Variants in VPS13B observed in about 807,000 individuals in gnomAD.
The protein encoded by VPS13B is vacuolar protein sorting 13 homolog B, also known as intermembrane lipid transfer protein VPS13B.
In VPS13B, 285 loss-of-function variants were observed where a neutral mutation model predicts 426.4. That is an observed-to-expected ratio of 0.67 (90% CI 0.61 to 0.74). The LOEUF is 0.74. Ranked by LOEUF, VPS13B falls within the 30% of genes least tolerant of loss-of-function variation. The pLI, the probability that VPS13B is intolerant of heterozygous loss-of-function variation, is 0.00. For missense variants in VPS13B, 4,537 were observed against 4,782.6 expected, an observed-to-expected ratio of 0.95 and a Z score of 1.51; for synonymous variants, 1,676 against 1,676.4, an observed-to-expected ratio of 1.00 and a Z score of 0.01.
intron 34 of VPS13B, among the ~76,000 whole-genome samples, chr8:99,647,811 A>G (rs536078049): frequency 1.3e-5 from 2 of 152,286 alleles, no homozygotes; most frequent in Admixed American, 1.3e-4. Context: ...TCACTCGATC[A>G]TGGGCATTAT....
chr8:99,434,993 G>T (rs1451753284), intron 22 of VPS13B, among the ~76,000 whole-genome samples: 1 of 152,176 alleles, frequency 6.6e-6, no homozygotes, highest in Non-Finnish European at 1.5e-5. Context: ...AGTTGTCATG[G>T]TCTAGCTGGG....
At chr8:99,620,161 G>C (rs764319124) in intron 33 of VPS13B, among the ~76,000 whole-genome samples, 1 of 151,936 alleles carries the variant, frequency 6.6e-6, no homozygotes, top group African/African-American at 2.4e-5. Context: ...GAAAATTTTC[G>C]TGATGACATT....
At chr8:99,827,026 A>G (rs1814728184) in intron 51 of VPS13B, among the ~76,000 whole-genome samples, 2 of 151,400 alleles carry the variant, frequency 1.3e-5, no homozygotes, top group African/African-American at 4.9e-5. Flanking sequence ...TTGGCTTGAA[A>G]TTTTCTTTTT....
rs77815460 is a variant in VPS13B, at chr8:99,762,066, G to A, written c.7051-4708G>A. Among the ~76,000 whole-genome samples the A allele has an allele frequency of 1.5e-3, 227 of 151,610 alleles. 9 individuals carry two copies. The East Asian group carries it at 0.039, about 26-fold the overall frequency. ...TTTTGAAACAGGGTCTCCATCTGTT[G>A]TCCGGGCTGGGTGCAGTGGCACAAT... On this transcript the variant is annotated intron_variant, in intron 39 of 61. Coordinates refer to ENST00000357162, the MANE Select transcript of VPS13B (RefSeq NM_152564.5).
At chr8:99,763,939 A>G (rs1237906235) in intron 39 of VPS13B, among the ~76,000 whole-genome samples, 1 of 152,218 alleles carries the variant, frequency 6.6e-6, no homozygotes, top group Non-Finnish European at 1.5e-5. Context: ...TAAAGAAAAG[A>G]AACTTAATTA....
At chr8:99,256,862 C>T (rs1817769702) in intron 17 of VPS13B, among the ~76,000 whole-genome samples, 1 of 151,988 alleles carries the variant, frequency 6.6e-6, no homozygotes, top group African/African-American at 2.4e-5. Context: ...CTCTAACTTG[C>T]AATTTTCACA....
At chr8:99,158,525 G>A (rs914978065) in intron 15 of VPS13B, among the ~76,000 whole-genome samples, 1 of 152,058 alleles carries the variant, frequency 6.6e-6, no homozygotes, top group Admixed American at 6.5e-5. Context: ...AGGGCAAGAC[G>A]CTGACTCTCT....
At chr8:99,349,722 GTCT>G (rs1811767386) in intron 19 of VPS13B, among the ~76,000 whole-genome samples, 1 of 152,114 alleles carries the variant, frequency 6.6e-6, no homozygotes, top group Non-Finnish European at 1.5e-5. Context: ...GTTGAAAAAA[GTCT>G]TCGAGAATAT....
chr8:99,706,692 A>T (rs953109146), intron 36 of VPS13B, among the ~76,000 whole-genome samples: 3 of 152,118 alleles, frequency 2.0e-5, no homozygotes, highest in African/African-American at 7.2e-5. Flanking sequence ...GTGCCATTAC[A>T]TTGGACACAT....
At chr8:99,164,737 ACTCT>A (rs1315000525) in intron 15 of VPS13B, among the ~76,000 whole-genome samples, 2 of 149,962 alleles carry the variant, frequency 1.3e-5, no homozygotes, top group Admixed American at 6.6e-5. Flanking sequence ...TCTCTTTTTA[ACTCT>A]CTCTTTAACT....
chr8:99,092,368 A>G (rs1265457333), intron 3 of VPS13B, among the ~76,000 whole-genome samples: 1 of 152,182 alleles, frequency 6.6e-6, no homozygotes, highest in African/African-American at 2.4e-5. Flanking sequence ...TATGACTGTA[A>G]TGCTTTTGGT....
rs547427422 is a variant in VPS13B at position 99,184,861 on chromosome 8, C to T, written c.2334-8015C>T. ...CAAAAATTAGCCAGGTGCAGTGGCA[C>T]GCTCCTGTAATCCCAGCTACTCTGG... On this transcript the variant is annotated intron_variant, in intron 16 of 61. Transcript: ENST00000357162. 7.9e-5 allele frequency among the ~76,000 whole-genome samples: 12 copies of T among 152,212 alleles called. No individual in the cohort carries two copies. The South Asian group carries it at 1.0e-3, about 13-fold the overall frequency.
At chr8:99,762,021 T>C (rs1162027538) in intron 39 of VPS13B, among the ~76,000 whole-genome samples, 2 of 151,972 alleles carry the variant, frequency 1.3e-5, no homozygotes, top group African/African-American at 4.8e-5. Context: ...GTTTGTTTGC[T>C]TGTGGTTTTT....
At chr8:99,462,315 CA>C (rs1818882988) in intron 23 of VPS13B, among the ~76,000 whole-genome samples, 1 of 152,074 alleles carries the variant, frequency 6.6e-6, no homozygotes, top group African/African-American at 2.4e-5. Context: ...ATCAAGATAA[CA>C]AACTTTTTGG....
At position 99,778,845 on chromosome 8, in the gene VPS13B, T is replaced by C; in HGVS notation, c.7593T>C (p.Leu2531=). 6.2e-7 allele frequency: 1 copy of C among 1,614,056 alleles called. No individual in the cohort carries two copies. Among genetic ancestry groups the C allele is most frequent in the Non-Finnish European group, 8.5e-7 (1 of 1,179,940 alleles). The change falls in exon 42 of 62, where the codon CTT becomes CTC. Residue 2531 remains leucine, a synonymous_variant. Coordinates refer to ENST00000357162, the MANE Select transcript of VPS13B (RefSeq NM_152564.5). ...TCTTAGCTCAAGCAGACTGTAAACTTCTAGAGTGCAGAAATGTCACTATGC... is the reference window on the plus strand; with the variant it reads ...TCTTAGCTCAAGCAGACTGTAAACTCCTAGAGTGCAGAAATGTCACTATGC... The part of the protein sequence containing the change: ...IQFLAQADCK[L]LECRNVTMQS...
chr8:99,102,922 G>A, intron 4 of VPS13B, 31 bp from the exon 5 acceptor site: 1 of 1,540,816 alleles, frequency 6.5e-7, no homozygotes, highest in South Asian at 1.1e-5. Context: ...GAGATTTGTG[G>A]CTAATTAAAT....
At chr8:99,163,608 G>A (rs1032308548) in intron 15 of VPS13B, among the ~76,000 whole-genome samples, 5 of 152,144 alleles carry the variant, frequency 3.3e-5, no homozygotes, top group Non-Finnish European at 5.9e-5. Flanking sequence ...CACTGTTGGG[G>A]GACCCAGTAC....
intron 17 of VPS13B, among the ~76,000 whole-genome samples, chr8:99,252,404 G>C (rs1308322494): frequency 6.6e-6 from 1 of 151,856 alleles, no homozygotes; most frequent in African/African-American, 2.4e-5. Context: ...ATCTAATGTG[G>C]TCTGAGAACA....
intron 34 of VPS13B, among the ~76,000 whole-genome samples, chr8:99,658,225 T>G (rs184240112): frequency 6.6e-6 from 1 of 152,290 alleles, no homozygotes; most frequent in African/African-American, 2.4e-5. Context: ...TTAAAAAGTA[T>G]GCGTGCAAAA....
Sources: gnomAD v4.1 joint callset for allele counts (sites outside exome capture counted in the v4.1 genomes callset) on GRCh38, gnomAD v4.1.1 for gene constraint, MANE v1.5 for transcripts, NCBI Gene and HGNC (gene_info 2026-07-23, HGNC 2026-07-21) for gene names.